TBC1D5: variants seen among roughly 807,000 people sequenced by gnomAD.
TBC1D5 encodes TBC1 domain family member 5.
TBC1D5 carries 75 observed loss-of-function variants against 100.3 expected under a neutral mutation model. The observed-to-expected ratio is 0.75, with a 90% CI of 0.62 to 0.91. The LOEUF (loss-of-function observed/expected upper bound fraction) is 0.91. TBC1D5 is among the 40% of genes least tolerant of loss of function. The pLI is 0.00. For synonymous variants in TBC1D5, 323 were observed against 325.6 expected, an observed-to-expected ratio of 0.99 and a Z score of 0.09; for missense variants, 910 against 942.4, an observed-to-expected ratio of 0.97 and a Z score of 0.45.
chr3:17,534,520 T>C (rs1165571921), intron 2 of TBC1D5, among the ~76,000 whole-genome samples: 1 of 152,188 alleles, frequency 6.6e-6, no homozygotes, highest in African/African-American at 2.4e-5. Flanking sequence ...ATCACTTCAT[T>C]ATCTTCCCAC....
chr3:17,327,512 G>A (rs939506744), intron 13 of TBC1D5, among the ~76,000 whole-genome samples: 5 of 152,174 alleles, frequency 3.3e-5, no homozygotes, highest in Non-Finnish European at 7.3e-5. Context: ...GAGCATGTCA[G>A]TCATAGTTCT....
intron 15 of TBC1D5, among the ~76,000 whole-genome samples, chr3:17,273,010 A>G (rs2079583980): frequency 1.3e-5 from 2 of 152,022 alleles, no homozygotes; most frequent in Non-Finnish European, 2.9e-5. Context: ...AACCCTCTAC[A>G]ATCTTATTGC....
chr3:17,530,230 C>A (rs552205779), intron 2 of TBC1D5, among the ~76,000 whole-genome samples: 3 of 132,974 alleles, frequency 2.3e-5, no homozygotes, highest in African/African-American at 8.8e-5. Context: ...GGCGACAGAG[C>A]GAGACTTCGT....
intron 15 of TBC1D5, among the ~76,000 whole-genome samples, chr3:17,258,915 A>G (rs1434596409): frequency 6.6e-6 from 1 of 152,198 alleles, no homozygotes; most frequent in African/African-American, 2.4e-5. Flanking sequence ...TATGAGATGT[A>G]ACACAACCAC....
Position 17,404,864 on chromosome 3 carries a change from T to G in TBC1D5, c.366+8A>C, listed in dbSNP as rs1367899560. On this transcript the variant is annotated splice_region_variant and intron_variant, in intron 6 of 21. Coordinates refer to ENST00000253692, the Ensembl canonical transcript of TBC1D5. ...CAATTACATTAATTAAATATACTAT[T>G]TACTTACTATTTCTTTAATGTTGCT... 6.4e-7 allele frequency: 1 copy of G among 1,563,280 alleles called. No individual in the cohort carries two copies. The highest frequency in any genetic ancestry group is 8.7e-7 in the Non-Finnish European group (1 of 1,147,186).
At chr3:17,505,974 T>C (rs2095840557) in intron 3 of TBC1D5, among the ~76,000 whole-genome samples, 1 of 152,164 alleles carries the variant, frequency 6.6e-6, no homozygotes. Context: ...CTGTATATAT[T>C]TTTACTAATA....
chr3:17,630,231 T>C (rs1286079560), intron 1 of TBC1D5, among the ~76,000 whole-genome samples: 1 of 152,248 alleles, frequency 6.6e-6, no homozygotes, highest in Non-Finnish European at 1.5e-5. Flanking sequence ...TACCTACTTT[T>C]ATTGAGCTTT....
At chr3:17,539,863 T>G (rs1252870970) in intron 2 of TBC1D5, among the ~76,000 whole-genome samples, 2 of 152,236 alleles carry the variant, frequency 1.3e-5, no homozygotes, top group Non-Finnish European at 2.9e-5. Context: ...CACCCAGAAG[T>G]GGCATCACTA....
intron 13 of TBC1D5, among the ~76,000 whole-genome samples, chr3:17,310,110 T>C (rs1478184058): frequency 6.6e-6 from 1 of 152,076 alleles, no homozygotes; most frequent in Non-Finnish European, 1.5e-5. Context: ...AAGTAGCCCA[T>C]TTCCTAGAAA....
At chr3:17,644,120 C>A (rs2064795008) in intron 1 of TBC1D5, 1 of 152,052 alleles carries the variant, frequency 6.6e-6, no homozygotes, top group Non-Finnish European at 1.5e-5. Flanking sequence ...AGGATGAGGA[C>A]CTGCAAACAT....
chr3:17,347,869 G>T (rs939662102), intron 13 of TBC1D5, among the ~76,000 whole-genome samples: 2 of 152,140 alleles, frequency 1.3e-5, no homozygotes, highest in Non-Finnish European at 2.9e-5. Flanking sequence ...CAGGTGTGGA[G>T]ACACATCCCT....
At position 17,519,271 on chromosome 3, in the gene TBC1D5, G is replaced by A. The variant is rs570819679; in HGVS notation, c.-35-10666C>T. Among the ~76,000 whole-genome samples, 7 of 152,254 alleles carry A rather than the reference G, an allele frequency of 4.6e-5. No homozygotes were observed. In the East Asian group the frequency reaches 9.6e-4, roughly 21 times the overall value. On this transcript the variant is annotated intron_variant, in intron 2 of 21. Coordinates refer to ENST00000253692, the Ensembl canonical transcript of TBC1D5. Reference sequence around the variant, plus strand: ...TCAAGATTCAGAGCTTTTTCCTAATGTCAATGGAAACTACTTTTAAGTAAA... The same window carrying A: ...TCAAGATTCAGAGCTTTTTCCTAATATCAATGGAAACTACTTTTAAGTAAA...
intron 2 of TBC1D5, among the ~76,000 whole-genome samples, chr3:17,529,753 C>T (rs2096193435): frequency 6.6e-6 from 1 of 151,776 alleles, no homozygotes. Context: ...CTCAAGCAAT[C>T]CTCCTGCCTC....
intron 3 of TBC1D5, among the ~76,000 whole-genome samples, chr3:17,442,724 C>T (rs1222349315): frequency 6.6e-6 from 1 of 152,142 alleles, no homozygotes; most frequent in Admixed American, 6.5e-5. Flanking sequence ...GAGGGTCACA[C>T]GCAAGGAGCA....
intron 2 of TBC1D5, among the ~76,000 whole-genome samples, chr3:17,539,725 AATT>A (rs1279377778): frequency 1.3e-5 from 2 of 152,204 alleles, no homozygotes; most frequent in African/African-American, 4.8e-5. Flanking sequence ...TCATTCAGAC[AATT>A]AAGAAGCTTA....
At chr3:17,232,304 C>T (rs2075492287) in intron 17 of TBC1D5, among the ~76,000 whole-genome samples, 1 of 151,980 alleles carries the variant, frequency 6.6e-6, no homozygotes, top group Non-Finnish European at 1.5e-5. Context: ...TGCAGAGAAG[C>T]CAAAGATCTA....
chr3:17,537,645 AGTGG>A (rs1560111691), intron 2 of TBC1D5, among the ~76,000 whole-genome samples: 5 of 152,206 alleles, frequency 3.3e-5, no homozygotes, highest in Admixed American at 6.5e-5. Flanking sequence ...ATCACATATA[AGTGG>A]AATAATATAG....
At chr3:17,498,922 T>G (rs969396908) in intron 3 of TBC1D5, among the ~76,000 whole-genome samples, 1 of 152,282 alleles carries the variant, frequency 6.6e-6, no homozygotes, top group East Asian at 1.9e-4. Context: ...ATGACTGTTA[T>G]ATAGCAAAGT....
intron 2 of TBC1D5, among the ~76,000 whole-genome samples, chr3:17,580,374 G>A (rs2096685960): frequency 6.6e-6 from 1 of 152,046 alleles, no homozygotes; most frequent in African/African-American, 2.4e-5. Flanking sequence ...GAGAACTACA[G>A]AAGAAGCCTA....
Sources: allele counts gnomAD v4.1 joint callset (sites outside exome capture counted in the v4.1 genomes callset), GRCh38; gene constraint gnomAD v4.1.1; transcripts MANE v1.5; gene names NCBI Gene and HGNC (gene_info 2026-07-23, HGNC 2026-07-21).